The following ACSM1 variants were observed in gnomAD, a reference collection of about 807,000 sequenced individuals.
ACSM1 encodes acyl-coenzyme A synthetase ACSM1, mitochondrial.
In ACSM1, 79 loss-of-function variants were observed where a neutral mutation model predicts 75.8. The ratio of observed to expected loss-of-function variants is 1.04; its 90% CI spans 0.87 to 1.26. The LOEUF is 1.26. Among genes scored for constraint, ACSM1 ranks in the 50% most tolerant of loss-of-function variants. ACSM1 has a pLI of 0.00. For missense variants in ACSM1, 676 were observed against 720.1 expected (o/e 0.94, Z 0.70); for synonymous variants, 279 against 265.8 (o/e 1.05, Z -0.48).
At chr16:20,694,932 C>T (rs2079681575) in intron 1 of ACSM1, among the ~76,000 whole-genome samples, 1 of 152,154 alleles carries the variant, frequency 6.6e-6, no homozygotes, top group African/African-American at 2.4e-5. Context: ...AAAAAGACCT[C>T]AGAGAAAACC....
At chr16:20,628,803 A>G (rs1399857851) in intron 10 of ACSM1, among the ~76,000 whole-genome samples, 1 of 152,136 alleles carries the variant, frequency 6.6e-6, no homozygotes, top group Non-Finnish European at 1.5e-5. Flanking sequence ...TTTAAATAAG[A>G]AAAAAACCTA....
chr16:20,647,304 A>T (rs1377540293), intron 7 of ACSM1, among the ~76,000 whole-genome samples: 2 of 152,234 alleles, frequency 1.3e-5, no homozygotes, highest in Non-Finnish European at 2.9e-5. Context: ...GCCATGAGCC[A>T]GCTGAACCTG....
At chr16:20,654,880 C>A (rs1432464815) in intron 7 of ACSM1, among the ~76,000 whole-genome samples, 2 of 152,236 alleles carry the variant, frequency 1.3e-5, no homozygotes, top group East Asian at 3.9e-4. Flanking sequence ...CCATTTGACC[C>A]AGCAATCCCA....
intron 1 of ACSM1, among the ~76,000 whole-genome samples, chr16:20,695,541 T>C (rs957644152): frequency 2.0e-5 from 3 of 146,372 alleles, no homozygotes; most frequent in Non-Finnish European, 4.5e-5. Context: ...TCCAGCTTTT[T>C]CACTGATTAT....
chr16:20,684,825 G>T (rs988310002), intron 3 of ACSM1, among the ~76,000 whole-genome samples: 59 of 152,122 alleles, frequency 3.9e-4, no homozygotes, highest in African/African-American at 1.4e-3. Flanking sequence ...GACTCTCTGA[G>T]GCTGTGCAAG....
At chr16:20,646,252 T>C (rs996286934) in intron 7 of ACSM1, among the ~76,000 whole-genome samples, 1 of 152,180 alleles carries the variant, frequency 6.6e-6, no homozygotes, top group Non-Finnish European at 1.5e-5. Flanking sequence ...AAGGACACTT[T>C]TAAAAAGATT....
At chr16:20,624,822 G>A (rs929040007) in intron 12 of ACSM1, among the ~76,000 whole-genome samples, 5 of 151,968 alleles carry the variant, frequency 3.3e-5, no homozygotes, top group Admixed American at 2.0e-4. Flanking sequence ...AGCCTCTCAA[G>A]TAGCTGGGAC....
rs144174326 is a variant in ACSM1, at chr16:20,624,188, G to A, written c.1555C>T (p.Pro519Ser). ...TCCTTGTCATGGGACAGGAACTGTG[G>A]GGTCAGGACAATAAAGGCCTTCACC... ...EVVKAFIVLT[P>S]QFLSHDKDQL... The change falls in exon 13 of 14, where the codon CCA becomes TCA. Residue 519 changes from proline (P) to serine (S), a missense_variant. Physicochemically the swap from Pro to Ser is moderately conservative, Grantham distance 74. Transcript: ENST00000520010. 3.5e-5 allele frequency: 56 copies of A among 1,612,390 alleles called. No individual in the cohort carries two copies. Among genetic ancestry groups the A allele is most frequent in the Non-Finnish European group, 4.5e-5 (53 of 1,178,942 alleles).
At chr16:20,634,624 T>C (rs1231090715) in intron 10 of ACSM1, among the ~76,000 whole-genome samples, 1 of 152,190 alleles carries the variant, frequency 6.6e-6, no homozygotes, top group African/African-American at 2.4e-5. Flanking sequence ...TTTTCACTTA[T>C]ATGAGGAACC....
At chr16:20,633,491 A>G (rs189672998) in intron 10 of ACSM1, among the ~76,000 whole-genome samples, 2 of 152,336 alleles carry the variant, frequency 1.3e-5, no homozygotes, top group Admixed American at 1.3e-4. Context: ...AGACTTGTAC[A>G]CTGAAAACTA....
intron 3 of ACSM1, among the ~76,000 whole-genome samples, chr16:20,683,080 A>G (rs944601259): frequency 2.0e-5 from 3 of 151,704 alleles, no homozygotes; most frequent in African/African-American, 7.3e-5. Context: ...TTCCATAAAC[A>G]TTGACTTTTT....
chr16:20,632,654 T>C (rs563059691), intron 10 of ACSM1, among the ~76,000 whole-genome samples: 65 of 152,278 alleles, frequency 4.3e-4, no homozygotes, highest in African/African-American at 1.5e-3. Flanking sequence ...TTTTACAAAA[T>C]TAAAGAAAAG....
chr16:20,665,721 A>T (rs1029148322), intron 6 of ACSM1, among the ~76,000 whole-genome samples: 3 of 152,206 alleles, frequency 2.0e-5, no homozygotes, highest in Non-Finnish European at 4.4e-5. Flanking sequence ...ATAAACGTAG[A>T]TGCAAAAATT....
chr16:20,685,418 A>T lies in ACSM1; in HGVS notation c.193-15T>A. ...CTCTTGCCCTCCTGGTCAAGACCAT[A>T]TATTATGTGTTATTTTCTGCTTCAA... On this transcript the variant is annotated splice_polypyrimidine_tract_variant and intron_variant, in intron 2 of 13. Transcript: ENST00000520010. The T allele has an allele frequency of 1.2e-6, 2 of 1,612,470 alleles. No homozygotes were observed. The highest frequency in any genetic ancestry group is 1.7e-6 in the Non-Finnish European group (2 of 1,178,548).
chr16:20,668,943 T>C (rs1307904174), intron 6 of ACSM1, among the ~76,000 whole-genome samples: 2 of 152,042 alleles, frequency 1.3e-5, no homozygotes, highest in Admixed American at 1.3e-4. Flanking sequence ...AGAAAATGCA[T>C]AGTAGATTAA....
intron 6 of ACSM1, among the ~76,000 whole-genome samples, chr16:20,668,852 G>T (rs1189607055): frequency 6.6e-6 from 1 of 152,154 alleles, no homozygotes; most frequent in Non-Finnish European, 1.5e-5. Flanking sequence ...TCAAAGGAAG[G>T]CATTTTAGGA....
intron 7 of ACSM1, among the ~76,000 whole-genome samples, chr16:20,642,663 G>A (rs552211132): frequency 1.3e-5 from 2 of 152,324 alleles, no homozygotes; most frequent in South Asian, 4.1e-4. Context: ...TCCTTGGCCA[G>A]GGCCTTAGAA....
chr16:20,658,539 T>C (rs2019114117), intron 7 of ACSM1, among the ~76,000 whole-genome samples: 1 of 152,228 alleles, frequency 6.6e-6, no homozygotes, highest in Admixed American at 6.5e-5. Context: ...GAACAATTAA[T>C]TGGCTATAAG....
rs1448131994 is a variant in ACSM1 at position 20,691,764 on chromosome 16, T to C, written c.-51-525A>G. 3.1e-3 allele frequency among the ~76,000 whole-genome samples: 152 copies of C among 49,056 alleles called. 2 individuals carry two copies. The highest frequency in any genetic ancestry group is 8.3e-3 in the South Asian group (13 of 1,558). 32.2% of individuals were successfully genotyped at this position (49,056 alleles called of 152,430 possible). The stretch of plus-strand genomic sequence containing the variant: ...AATACCTCTCCAATGTGTGTGTGTG[T>C]GTGTGTGTGTGTGTGTGTGTGTGTG... On this transcript the variant is annotated intron_variant, in intron 1 of 13. Coordinates refer to ENST00000520010, the MANE Select transcript of ACSM1 (RefSeq NM_001318890.3).
Sources: gnomAD v4.1 joint callset for allele counts (sites outside exome capture counted in the v4.1 genomes callset) on GRCh38, gnomAD v4.1.1 for gene constraint, MANE v1.5 for transcripts, NCBI Gene and HGNC (gene_info 2026-07-23, HGNC 2026-07-21) for gene names.